TBC1D4: variants seen among roughly 807,000 people sequenced by gnomAD.
The protein encoded by TBC1D4 is TBC1 domain family member 4.
TBC1D4 carries 121 observed loss-of-function variants against 142.5 expected under a neutral mutation model. The observed-to-expected ratio is 0.85, with a 90% CI of 0.73 to 0.99. The LOEUF (loss-of-function observed/expected upper bound fraction) is 0.99, where lower values mean the gene tolerates loss of function less well. Among genes scored for constraint, TBC1D4 ranks in the 50% least tolerant of loss-of-function variants. The pLI is 0.00. For missense variants in TBC1D4, 1,475 were observed against 1,606.6 expected, an observed-to-expected ratio of 0.92 and a Z score of 1.40; for synonymous variants, 630 against 628.2, an observed-to-expected ratio of 1.00 and a Z score of -0.04.
At chr13:75,480,182 A>C (rs2138361451) in intron 1 of TBC1D4, among the ~76,000 whole-genome samples, 2 of 152,390 alleles carry the variant, frequency 1.3e-5, no homozygotes, top group East Asian at 3.9e-4. Flanking sequence ...AAAAAATTAA[A>C]GCCATATTTA....
chr13:75,344,676 G>C (rs147236954), intron 5 of TBC1D4, among the ~76,000 whole-genome samples: 1 of 152,124 alleles, frequency 6.6e-6, no homozygotes, highest in Non-Finnish European at 1.5e-5. Context: ...AGTCCACAGA[G>C]ATGGCTGACT....
At chr13:75,461,892 TA>T (rs1887985358) in intron 1 of TBC1D4, among the ~76,000 whole-genome samples, 3 of 152,230 alleles carry the variant, frequency 2.0e-5, no homozygotes, top group Admixed American at 1.3e-4. Context: ...GTACTATCTC[TA>T]CAGCTTCACT....
chr13:75,292,017 C>T lies in TBC1D4; in HGVS notation c.3486+85G>A. 3 of 1,183,984 alleles carry T rather than the reference C, an allele frequency of 2.5e-6. No homozygotes were observed. In the South Asian group the frequency reaches 4.5e-5, roughly 18 times the overall value. 73.3% of individuals were successfully genotyped at this position (1,183,984 alleles called of 1,614,324 possible). On this transcript the variant is annotated intron_variant, in intron 19 of 20. Coordinates refer to ENST00000377636, the MANE Select transcript of TBC1D4 (RefSeq NM_014832.5). ...GTATCTGATGAAAATATCTGTCAAG[C>T]AAAGCTACATTTTTAGGCTAAAGCA...
At chr13:75,474,282 G>A (rs552297958) in intron 1 of TBC1D4, among the ~76,000 whole-genome samples, 1 of 152,284 alleles carries the variant, frequency 6.6e-6, no homozygotes, top group South Asian at 2.1e-4. Flanking sequence ...AAAACTGGCC[G>A]GGCACAGTGG....
At chr13:75,383,320 C>T (rs117843900) in intron 1 of TBC1D4, among the ~76,000 whole-genome samples, 1,945 of 152,266 alleles carry the variant, frequency 0.013, 28 homozygotes, top group Non-Finnish European at 0.019. Flanking sequence ...GAGACCTTGT[C>T]TCCCCAACAA....
intron 1 of TBC1D4, among the ~76,000 whole-genome samples, chr13:75,478,986 G>T (rs1434674409): frequency 6.6e-6 from 1 of 152,304 alleles, no homozygotes; most frequent in East Asian, 1.9e-4. Flanking sequence ...ACTTTAAAAT[G>T]CGGGGTCATA....
intron 17 of TBC1D4, among the ~76,000 whole-genome samples, chr13:75,297,010 A>G (rs1875997543): frequency 6.6e-6 from 1 of 152,120 alleles, no homozygotes; most frequent in Admixed American, 6.5e-5. Flanking sequence ...TAAACATCCT[A>G]TTGGCTATAC....
chr13:75,389,213 G>A (rs528654990), intron 1 of TBC1D4, among the ~76,000 whole-genome samples: 16 of 152,138 alleles, frequency 1.1e-4, no homozygotes, highest in South Asian at 2.1e-4. Context: ...AAAACAGGAC[G>A]GCACTCTGCT....
intron 1 of TBC1D4, among the ~76,000 whole-genome samples, chr13:75,438,340 A>T (rs1328812945): frequency 1.3e-5 from 2 of 152,252 alleles, no homozygotes; most frequent in African/African-American, 4.8e-5. Context: ...GAAACATTTC[A>T]TTAACTATGC....
chr13:75,398,778 G>T (rs4129482), intron 1 of TBC1D4, among the ~76,000 whole-genome samples: 143,347 of 152,236 alleles, frequency 0.94, 68,083 homozygotes, highest in East Asian at 1. Flanking sequence ...ACAGTAAAAA[G>T]GACCCATGGT....
chr13:75,472,917 A>G (rs541564318), intron 1 of TBC1D4, among the ~76,000 whole-genome samples: 57 of 152,354 alleles, frequency 3.7e-4, no homozygotes, highest in African/African-American at 1.2e-3. Flanking sequence ...GCCAATGGGA[A>G]TTAAATGACT....
chr13:75,306,591 TC>T, intron 14 of TBC1D4, 120 bp from the exon 15 acceptor site: 1 of 1,200,614 alleles, frequency 8.3e-7, no homozygotes, highest in South Asian at 1.4e-5. Context: ...GTAGTGTATC[TC>T]AAAAAGAAAA....
At chr13:75,424,438 T>A (rs190594344) in intron 1 of TBC1D4, among the ~76,000 whole-genome samples, 16 of 152,166 alleles carry the variant, frequency 1.1e-4, no homozygotes, top group Admixed American at 7.9e-4. Context: ...GTTTCCACTA[T>A]CCAAAGTGAT....
chr13:75,420,230 T>G (rs1886104889), intron 1 of TBC1D4, among the ~76,000 whole-genome samples: 1 of 152,108 alleles, frequency 6.6e-6, no homozygotes. Context: ...GCAATAGGAA[T>G]GGACAAAGGA....
At chr13:75,478,970 G>C (rs930382537) in intron 1 of TBC1D4, among the ~76,000 whole-genome samples, 4 of 152,202 alleles carry the variant, frequency 2.6e-5, no homozygotes, top group African/African-American at 9.7e-5. Flanking sequence ...TACAATATTT[G>C]CCAGTACTTT....
At chr13:75,360,365 T>C (rs188928558) in intron 2 of TBC1D4, among the ~76,000 whole-genome samples, 33 of 152,224 alleles carry the variant, frequency 2.2e-4, no homozygotes, top group Non-Finnish European at 4.1e-4. Flanking sequence ...GAAATTCAGT[T>C]AATACATCAC....
chr13:75,412,882 G>A (rs1376434734), intron 1 of TBC1D4, among the ~76,000 whole-genome samples: 2 of 152,194 alleles, frequency 1.3e-5, no homozygotes, highest in Non-Finnish European at 2.9e-5. Flanking sequence ...TCTCCAGTAA[G>A]AGACATATTT....
Position 75,418,253 on chromosome 13 carries a change from G to T in TBC1D4, c.499-55646C>A, listed in dbSNP as rs902966150. Among the ~76,000 whole-genome samples, 4 of 152,062 alleles carry T rather than the reference G, an allele frequency of 2.6e-5. No individual in the cohort carries two copies. The South Asian group carries it at 8.3e-4, about 32-fold the overall frequency. The stretch of plus-strand genomic sequence containing the variant: ...CCGATATAGCATTGAGTATGCCATG[G>T]TATTTATTCTTTCTATTGGGAAATA... On this transcript the variant is annotated intron_variant, in intron 1 of 20. Coordinates refer to ENST00000377636, the MANE Select transcript of TBC1D4 (RefSeq NM_014832.5).
Position 75,481,785 on chromosome 13 carries a change from GGCACCGCGGAGGCCGGCCGGGC to G in TBC1D4, c.-40_-19del, listed in dbSNP as rs1566524171. ...GGCTCCATAACTCTCGCCTCACCAGGGCACCGCGGAGGCCGGCCGGGCGCACCGCGCCCCCCACTCCCGCGCA... is the reference window on the plus strand; with the variant it reads ...GGCTCCATAACTCTCGCCTCACCAGGGCACCGCGCCCCCCACTCCCGCGCA... On this transcript the variant is annotated 5_prime_UTR_variant, in exon 1 of 21. Coordinates refer to ENST00000377636, the MANE Select transcript of TBC1D4 (RefSeq NM_014832.5). 1 of 1,514,096 alleles carries G rather than the reference GGCACCGCGGAGGCCGGCCGGGC, an allele frequency of 6.6e-7. No individual in the cohort carries two copies. The highest frequency in any genetic ancestry group is 2.4e-5 in the Admixed American group (1 of 42,226). The allele number at this position is 1,514,096 out of a possible 1,614,324, so 93.8% of individuals were successfully genotyped here. A position where few individuals can be genotyped will look rare whatever the true frequency, so the allele number is the denominator to read the frequency against.
Sources: allele counts gnomAD v4.1 joint callset (sites outside exome capture counted in the v4.1 genomes callset), GRCh38; gene constraint gnomAD v4.1.1; transcripts MANE v1.5; gene names NCBI Gene and HGNC (gene_info 2026-07-23, HGNC 2026-07-21).